ZFHX3: variants seen among roughly 807,000 people sequenced by gnomAD.
ZFHX3 encodes the protein zinc finger homeobox 3, also known as zinc finger homeobox protein 3.
In ZFHX3, 42 loss-of-function variants were observed where a neutral mutation model predicts 279.1. The observed-to-expected ratio is 0.15, with a 90% CI of 0.12 to 0.19. The LOEUF (loss-of-function observed/expected upper bound fraction) is 0.19, where lower values mean the gene tolerates loss of function less well. ZFHX3 is among the 10% of genes least tolerant of loss of function. ZFHX3 has a pLI of 1.00. For synonymous variants in ZFHX3, 2,293 were observed against 1,957.8 expected (o/e 1.17, Z -4.52); for missense variants, 4,981 against 4,754.0 (o/e 1.05, Z -1.40).
At position 72,793,186 on chromosome 16, in the gene ZFHX3, T is replaced by C; in HGVS notation, c.9427+69A>G. 3 of 1,527,870 alleles carry C rather than the reference T, an allele frequency of 2.0e-6. No homozygotes were observed. Among genetic ancestry groups the C allele is most frequent in the East Asian group, 4.5e-5 (2 of 44,184 alleles). 94.6% of individuals were successfully genotyped at this position (1,527,870 alleles called of 1,614,324 possible). A position where few individuals can be genotyped will look rare whatever the true frequency, so the allele number is the denominator to read the frequency against. On this transcript the variant is annotated intron_variant, in intron 9 of 9. Transcript: ENST00000268489. This position sits in a 1 kb window ranked among gnomAD's most constrained non-coding sequence, Gnocchi z 4.3. ...CCCAGCACTCAGAGGGTTTGGGTGG[T>C]ATCCACATAACAGAATGCTGACTGG...
chr16:73,070,656 T>C (rs975928893), intron 8 of ZFHX3, among the ~76,000 whole-genome samples: 4 of 152,080 alleles, frequency 2.6e-5, no homozygotes, highest in African/African-American at 9.7e-5. Flanking sequence ...ATTTCCAGTC[T>C]GTTTACCTGG....
intron 2 of ZFHX3, among the ~76,000 whole-genome samples, chr16:73,540,556 C>A (rs2143748339): frequency 6.6e-6 from 1 of 152,292 alleles, no homozygotes; most frequent in Admixed American, 6.5e-5. Flanking sequence ...GGAAGAGGAT[C>A]AAGAGTTATT....
In ZFHX3 at chr16:72,841,036, T is replaced by C. The variant is rs186809813; in HGVS notation, c.3449-11177A>G. Reference sequence around the variant, plus strand: ...ACAGGTTGCACATTCAAGAATGCAATGCTAGAAACGTGTGAACACCCGGAG... The same window carrying C: ...ACAGGTTGCACATTCAAGAATGCAACGCTAGAAACGTGTGAACACCCGGAG... On this transcript the variant is annotated intron_variant, in intron 4 of 9. Transcript: ENST00000268489. Among the ~76,000 whole-genome samples the C allele has an allele frequency of 3.8e-3, 581 of 152,212 alleles. 1 individual carries two copies. The highest frequency in any genetic ancestry group is 0.027 in the Middle Eastern group (8 of 294).
chr16:73,200,343 C>T (rs1597216629), intron 5 of ZFHX3, among the ~76,000 whole-genome samples: 1 of 152,032 alleles, frequency 6.6e-6, no homozygotes, highest in Non-Finnish European at 1.5e-5. Context: ...TTGTTTCAGC[C>T]ATAAAACCCC....
At chr16:73,575,871 C>A (rs2051794082) in intron 2 of ZFHX3, among the ~76,000 whole-genome samples, 1 of 152,118 alleles carries the variant, frequency 6.6e-6, no homozygotes, top group Non-Finnish European at 1.5e-5. Flanking sequence ...TAAGCCCTGA[C>A]CAGTTCACAC....
At chr16:73,887,342 T>C (rs535101632) in intron 1 of ZFHX3, among the ~76,000 whole-genome samples, 6 of 152,270 alleles carry the variant, frequency 3.9e-5, no homozygotes, top group East Asian at 1.9e-4. Flanking sequence ...CATTCTAAAA[T>C]GGCCTGTGCT....
chr16:73,784,678 C>T (rs574865561), intron 1 of ZFHX3, among the ~76,000 whole-genome samples: 5 of 151,622 alleles, frequency 3.3e-5, no homozygotes, highest in Non-Finnish European at 7.4e-5. Flanking sequence ...ACCCAGGAGG[C>T]AGAGGTTGCA....
chr16:73,651,145 A>G (rs373333652), intron 2 of ZFHX3, among the ~76,000 whole-genome samples: 8 of 152,210 alleles, frequency 5.3e-5, no homozygotes, highest in African/African-American at 1.7e-4. Context: ...AAAAAACACA[A>G]TAAATCCATA....
chr16:73,223,482 A>G (rs1168868206), intron 5 of ZFHX3, among the ~76,000 whole-genome samples: 3 of 152,184 alleles, frequency 2.0e-5, no homozygotes, highest in African/African-American at 4.8e-5. Flanking sequence ...TCCATGTCAT[A>G]TATCATCAAG....
Position 73,807,708 on chromosome 16 carries a change from C to A in ZFHX3, c.-1608+83943G>T, listed in dbSNP as rs181173286. Reference sequence around the variant, plus strand: ...CTGGTCTTGAACTCCTGAGCTCAAGCAATCCACCCACATCAGCCTCCCAAA... The same window carrying A: ...CTGGTCTTGAACTCCTGAGCTCAAGAAATCCACCCACATCAGCCTCCCAAA... On this transcript the variant is annotated intron_variant, in intron 1 of 17. Transcript: ENST00000641206. Among the ~76,000 whole-genome samples the A allele has an allele frequency of 4.9e-5, 7 of 142,580 alleles. No homozygotes were observed. The East Asian group carries it at 1.5e-3, about 31-fold the overall frequency. The allele number at this position is 142,580 out of a possible 152,430, so 93.5% of individuals were successfully genotyped here.
chr16:72,984,821 A>G lies in ZFHX3; in HGVS notation c.-49-24627T>C, dbSNP rs79486575. Among the ~76,000 whole-genome samples the G allele has an allele frequency of 7.9e-5, 12 of 152,234 alleles. No homozygotes were observed. The East Asian group carries it at 2.3e-3, about 29-fold the overall frequency. ...GTGTGCAAGCTCACCCCAGGCCTCAACAGAATTTATACATATAAAATTTAT... is the reference window on the plus strand; with the variant it reads ...GTGTGCAAGCTCACCCCAGGCCTCAGCAGAATTTATACATATAAAATTTAT... On this transcript the variant is annotated intron_variant, in intron 1 of 9. Coordinates refer to ENST00000268489, the MANE Select transcript of ZFHX3 (RefSeq NM_006885.4).
Position 73,053,478 on chromosome 16 carries a change from G to A in ZFHX3, c.-24+5052C>T, listed in dbSNP as rs565932419. On this transcript the variant is annotated intron_variant, in intron 1 of 8. Transcript: ENST00000397992. The stretch of plus-strand genomic sequence containing the variant: ...CGAGTCGTCATTACAAGGTTTTTCG[G>A]TGGGTGGGGGCATGGAGAAGTGGAC... 2.0e-5 allele frequency among the ~76,000 whole-genome samples: 3 copies of A among 152,234 alleles called. No individual in the cohort carries two copies. The South Asian group carries it at 6.3e-4, about 32-fold the overall frequency.
intron 1 of ZFHX3, among the ~76,000 whole-genome samples, chr16:72,983,718 AAGAG>A (rs199899534): frequency 2.0e-5 from 3 of 151,076 alleles, no homozygotes; most frequent in African/African-American, 4.9e-5. Context: ...GAAAAAAAAA[AAGAG>A]AGAGAGAGAG....
At chr16:72,873,194 C>A (rs568310055) in intron 4 of ZFHX3, among the ~76,000 whole-genome samples, 2 of 152,308 alleles carry the variant, frequency 1.3e-5, no homozygotes, top group East Asian at 1.9e-4. Context: ...GGGCTCATTT[C>A]TTCTGTTCTT....
intron 8 of ZFHX3, among the ~76,000 whole-genome samples, chr16:73,088,732 A>G (rs140045326): frequency 1.2e-3 from 184 of 152,322 alleles, no homozygotes; most frequent in Non-Finnish European, 2.1e-3. Context: ...AGTTCAAGGC[A>G]GGAGATCAGA....
At chr16:73,022,386 C>T (rs1398036627) in intron 1 of ZFHX3, among the ~76,000 whole-genome samples, 1 of 152,112 alleles carries the variant, frequency 6.6e-6, no homozygotes, top group Non-Finnish European at 1.5e-5. Flanking sequence ...CCACTGCAGG[C>T]CCCTGGTCAG....
At chr16:73,513,417 C>T (rs190452795) in intron 2 of ZFHX3, among the ~76,000 whole-genome samples, 2 of 152,268 alleles carry the variant, frequency 1.3e-5, no homozygotes, top group Non-Finnish European at 2.9e-5. Flanking sequence ...TGCACTGACA[C>T]CTCTCTCAAT....
chr16:73,755,226 G>T (rs2053797580), intron 1 of ZFHX3, among the ~76,000 whole-genome samples: 1 of 152,072 alleles, frequency 6.6e-6, no homozygotes, highest in Admixed American at 6.6e-5. Context: ...TATCTCCTGA[G>T]ATTTTCCCCT....
chr16:73,460,798 T>C (rs1031831324), intron 2 of ZFHX3, among the ~76,000 whole-genome samples: 1 of 152,142 alleles, frequency 6.6e-6, no homozygotes, highest in African/African-American at 2.4e-5. Context: ...TCGTGAGATC[T>C]GGCCATTTAA....
Sources: gnomAD v4.1 joint callset for allele counts (sites outside exome capture counted in the v4.1 genomes callset) on GRCh38, gnomAD v4.1.1 for gene constraint, Gnocchi (gnomAD v3.1) non-coding constraint, MANE v1.5 for transcripts, NCBI Gene and HGNC (gene_info 2026-07-23, HGNC 2026-07-21) for gene names.